CACUL1: variants seen among roughly 807,000 people sequenced by gnomAD.
CACUL1 encodes CDK2-associated and cullin domain-containing protein 1.
In CACUL1, 13 loss-of-function variants were observed where a neutral mutation model predicts 45.2. That is an observed-to-expected ratio of 0.29 (90% CI 0.19 to 0.46). The LOEUF (loss-of-function observed/expected upper bound fraction) is 0.46, where lower values mean the gene tolerates loss of function less well. Ranked by LOEUF, CACUL1 falls within the 20% of genes least tolerant of loss-of-function variation. CACUL1 has a pLI of 1.00. For synonymous variants in CACUL1, 197 were observed against 174.2 expected (o/e 1.13, Z -1.03); for missense variants, 421 against 471.4 (o/e 0.89, Z 0.99).
chr10:118,707,611 A>T (rs759360235), intron 3 of CACUL1, 24 bp from the exon 4 acceptor site: 2 of 1,160,212 alleles, frequency 1.7e-6, no homozygotes, highest in Non-Finnish European at 2.5e-6. Flanking sequence ...CAGAAGTGTG[A>T]TCAATCTGGG....
At chr10:118,737,392 C>T (rs961069609) in intron 1 of CACUL1, among the ~76,000 whole-genome samples, 2 of 152,238 alleles carry the variant, frequency 1.3e-5, no homozygotes, top group East Asian at 3.9e-4. Flanking sequence ...TGACAACAAC[C>T]AGATGACACT....
rs1392890776 is a variant in CACUL1, at chr10:118,683,069, T to C, written c.*3059A>G. 1 of 152,200 alleles carries C rather than the reference T, an allele frequency of 6.6e-6. No individual in the cohort carries two copies. The highest frequency in any genetic ancestry group is 1.9e-4 in the East Asian group (1 of 5,204). The allele number at this position is 152,200 out of a possible 1,614,324, so 9.4% of individuals were successfully genotyped here. A position where few individuals can be genotyped will look rare whatever the true frequency, so the allele number is the denominator to read the frequency against. ...TTCCTGTCAGGTTAGGGTACAGGTG[T>C]GACAACAAAAGGTCACAAAATGACA... On this transcript the variant is annotated 3_prime_UTR_variant, in exon 9 of 9. Transcript: ENST00000369151.
intron 1 of CACUL1, among the ~76,000 whole-genome samples, chr10:118,753,209 G>A (rs955533633): frequency 2.0e-5 from 3 of 152,194 alleles, no homozygotes; most frequent in African/African-American, 7.2e-5. Context: ...TGATTATCAT[G>A]AATAAGGAGA....
At chr10:118,733,979 G>A (rs1160564495) in intron 1 of CACUL1, among the ~76,000 whole-genome samples, 2 of 152,158 alleles carry the variant, frequency 1.3e-5, no homozygotes, top group Non-Finnish European at 2.9e-5. Context: ...TCATAACCCT[G>A]TACTCCAGTC....
intron 3 of CACUL1, among the ~76,000 whole-genome samples, chr10:118,728,766 G>A (rs1370421349): frequency 1.3e-5 from 2 of 152,166 alleles, no homozygotes; most frequent in South Asian, 2.1e-4. Flanking sequence ...TGGGCAGGGG[G>A]AGGATCAAGC....
At chr10:118,691,224 A>G (rs1260044319) in intron 7 of CACUL1, 41 bp downstream of exon 7, 1 of 1,571,394 alleles carries the variant, frequency 6.4e-7, no homozygotes, top group African/African-American at 1.4e-5. Flanking sequence ...GCCTAGGGAA[A>G]TGGACATATT....
At chr10:118,698,048 C>T (rs142200313) in intron 5 of CACUL1, among the ~76,000 whole-genome samples, 2 of 152,050 alleles carry the variant, frequency 1.3e-5, no homozygotes, top group Non-Finnish European at 2.9e-5. Flanking sequence ...TAATATGGGG[C>T]AATCAAGAAC....
chr10:118,730,638 T>C lies in CACUL1; in HGVS notation c.368-228A>G, dbSNP rs1313945792. 2.0e-5 allele frequency among the ~76,000 whole-genome samples: 3 copies of C among 152,336 alleles called. No homozygotes were observed. The South Asian group carries it at 6.2e-4, about 32-fold the overall frequency. On this transcript the variant is annotated intron_variant, in intron 1 of 8. Coordinates refer to ENST00000369151, the MANE Select transcript of CACUL1 (RefSeq NM_153810.5). ...AGAGAAGTTAGTATGAACCTGTCCA[T>C]CTTTAAAAATAACAACCAAACAAGC...
At chr10:118,708,147 CAAAA>C (rs34008762) in intron 3 of CACUL1, among the ~76,000 whole-genome samples, 1 of 104,028 alleles carries the variant, frequency 9.6e-6, no homozygotes, top group Non-Finnish European at 1.8e-5. Context: ...AACACTGTCT[CAAAA>C]AAAAAAAAAA....
intron 6 of CACUL1, 179 bp from the exon 7 acceptor site, chr10:118,691,582 T>C (rs1589602080): frequency 1.7e-6 from 1 of 579,948 alleles, no homozygotes; most frequent in Non-Finnish European, 3.0e-6. Context: ...AAAAGAATTT[T>C]ACAGGCCGGG....
In CACUL1 at chr10:118,686,162, G is replaced by A. The variant is rs368810820; in HGVS notation, c.1076C>T (p.Ser359Leu). ...RAGDELAYNS[S>L]SACASSRGYR The stretch of plus-strand genomic sequence containing the variant: ...CCCCCTGGAACTTGCACATGCTGAC[G>A]AGCTATCTGAAAAAACATCAGAATA... The change falls in exon 9 of 9, where the codon TCG (serine) becomes TTG (leucine). Residue 359 changes from serine to leucine, a missense_variant. Ser to Leu is a moderately radical substitution (Grantham distance 145, BLOSUM62 -2). Transcript: ENST00000369151. 2.0e-5 allele frequency: 33 copies of A among 1,612,032 alleles called. No individual in the cohort carries two copies. Among genetic ancestry groups the A allele is most frequent in the African/African-American group, 2.7e-5 (2 of 74,790 alleles).
chr10:118,741,469 C>G (rs1009378993), intron 1 of CACUL1, among the ~76,000 whole-genome samples: 25 of 151,974 alleles, frequency 1.6e-4, no homozygotes, highest in Non-Finnish European at 3.4e-4. Flanking sequence ...CAGACAGACA[C>G]ACACACACAC....
Position 118,702,112 on chromosome 10 carries a change from T to C in CACUL1, c.694-704A>G, listed in dbSNP as rs199883032. 5.9e-5 allele frequency among the ~76,000 whole-genome samples: 9 copies of C among 152,244 alleles called. No individual in the cohort carries two copies. The East Asian group carries it at 1.7e-3, about 29-fold the overall frequency. ...TTGTGAAATGCCTTCTCCTGGACAA[T>C]GAGTCTCAGAAGCTCCCTGCGGAGC... On this transcript the variant is annotated intron_variant, in intron 4 of 8. Transcript: ENST00000369151.
chr10:118,694,147 G>T (rs1421348533), intron 6 of CACUL1, among the ~76,000 whole-genome samples: 3 of 152,192 alleles, frequency 2.0e-5, no homozygotes. Flanking sequence ...TCACAGGTGT[G>T]AGCCACCACA....
intron 4 of CACUL1, among the ~76,000 whole-genome samples, chr10:118,706,759 C>T (rs1008839352): frequency 6.6e-6 from 1 of 152,214 alleles, no homozygotes; most frequent in Non-Finnish European, 1.5e-5. Context: ...GGAAGCACTA[C>T]ATGGTCTTTT....
At chr10:118,731,998 C>T (rs11198582) in intron 1 of CACUL1, among the ~76,000 whole-genome samples, 1,721 of 152,214 alleles carry the variant, frequency 0.011, 18 homozygotes, top group Middle Eastern at 0.027. Context: ...CATGCACGTG[C>T]GCAAACATAA....
At chr10:118,716,033 G>A (rs371183643) in intron 3 of CACUL1, among the ~76,000 whole-genome samples, 7 of 152,028 alleles carry the variant, frequency 4.6e-5, no homozygotes, top group African/African-American at 1.4e-4. Flanking sequence ...TCAGGAGGTC[G>A]AGACCATCCT....
chr10:118,733,310 T>C (rs1845714132), intron 1 of CACUL1, among the ~76,000 whole-genome samples: 1 of 152,202 alleles, frequency 6.6e-6, no homozygotes, highest in Non-Finnish European at 1.5e-5. Flanking sequence ...GTAGAGAATC[T>C]TAAACCCTAT....
At chr10:118,714,765 C>A (rs1418742722) in intron 3 of CACUL1, among the ~76,000 whole-genome samples, 2 of 152,178 alleles carry the variant, frequency 1.3e-5, no homozygotes, top group Non-Finnish European at 2.9e-5. Flanking sequence ...TATAAAGTCA[C>A]AATTTAATAA....
Sources: allele counts gnomAD v4.1 joint callset (sites outside exome capture counted in the v4.1 genomes callset), GRCh38; gene constraint gnomAD v4.1.1; transcripts MANE v1.5; gene names NCBI Gene and HGNC (gene_info 2026-07-23, HGNC 2026-07-21).